The following CDKAL1 variants were observed in gnomAD, a reference collection of about 807,000 sequenced individuals.
CDKAL1 encodes the protein threonylcarbamoyladenosine tRNA methylthiotransferase.
In CDKAL1, 32 loss-of-function variants were observed where a neutral mutation model predicts 68.2. The observed-to-expected ratio is 0.47, with a 90% CI of 0.35 to 0.63. The LOEUF (loss-of-function observed/expected upper bound fraction) is 0.63. Among genes scored for constraint, CDKAL1 ranks in the 30% least tolerant of loss-of-function variants. The pLI is 0.00. For synonymous variants in CDKAL1, 234 were observed against 244.3 expected (o/e 0.96, Z 0.39); for missense variants, 606 against 696.7 (o/e 0.87, Z 1.47).
At chr6:20,992,848 G>A (rs1020602325) in intron 10 of CDKAL1, among the ~76,000 whole-genome samples, 12 of 151,240 alleles carry the variant, frequency 7.9e-5, no homozygotes, top group Non-Finnish European at 4.4e-5. Flanking sequence ...GCTGCAGTAA[G>A]CCGTGATTGC....
At chr6:21,208,387 C>A (rs1223041251) in intron 15 of CDKAL1, among the ~76,000 whole-genome samples, 1 of 152,148 alleles carries the variant, frequency 6.6e-6, no homozygotes, top group African/African-American at 2.4e-5. Context: ...TTTCCAGAAC[C>A]AGTGAAGTGA....
chr6:20,736,665 C>T (rs763852272), intron 5 of CDKAL1, among the ~76,000 whole-genome samples: 2 of 151,458 alleles, frequency 1.3e-5, no homozygotes, highest in African/African-American at 2.4e-5. Flanking sequence ...CCAGCTACTC[C>T]GGAGGCTGAG....
chr6:20,799,127 A>G (rs1222527027), intron 8 of CDKAL1, among the ~76,000 whole-genome samples: 3 of 124,162 alleles, frequency 2.4e-5, no homozygotes, highest in South Asian at 2.7e-4. Flanking sequence ...ATCTTGGCTC[A>G]CTGCAACCTC....
chr6:21,205,225 A>G (rs1375587288), intron 15 of CDKAL1, among the ~76,000 whole-genome samples: 1 of 152,178 alleles, frequency 6.6e-6, no homozygotes, highest in African/African-American at 2.4e-5. Context: ...GGTTGCTTCT[A>G]CCATTTGGCT....
chr6:20,950,228 G>A (rs112979733), intron 9 of CDKAL1, among the ~76,000 whole-genome samples: 5,150 of 152,184 alleles, frequency 0.034, 296 homozygotes, highest in African/African-American at 0.12. Flanking sequence ...GGGTTCAAGT[G>A]ATTCTCCTGC....
At chr6:21,118,698 G>A (rs568745872) in intron 13 of CDKAL1, among the ~76,000 whole-genome samples, 2 of 152,286 alleles carry the variant, frequency 1.3e-5, no homozygotes, top group African/African-American at 4.8e-5. Context: ...TTCTCCTAAT[G>A]ATTGTTAATA....
intron 10 of CDKAL1, among the ~76,000 whole-genome samples, chr6:20,955,947 A>T (rs551410328): frequency 2.0e-5 from 3 of 152,290 alleles, no homozygotes; most frequent in African/African-American, 7.2e-5. Context: ...TTCGCAACCC[A>T]CAGTCAATAT....
intron 5 of CDKAL1, among the ~76,000 whole-genome samples, chr6:20,717,603 T>G (rs985426975): frequency 1.3e-5 from 2 of 152,272 alleles, no homozygotes; most frequent in African/African-American, 2.4e-5. Context: ...AGACCCTTAA[T>G]GGGGAAGGCC....
rs757645609 is a variant in CDKAL1 at position 20,649,349 on chromosome 6, G to A, written c.343G>A (p.Ala115Thr). 1 of 1,603,394 alleles carries A rather than the reference G, an allele frequency of 6.2e-7. No individual in the cohort carries two copies. Among genetic ancestry groups the A allele is most frequent in the Non-Finnish European group, 8.5e-7 (1 of 1,175,268 alleles). ...LLNSCTVKNP[A>T]EDHFRNSIKK... ...GAACAGTTGCACTGTAAAAAACCCA[G>A]CTGAAGACCACTTTAGAAACTCAAT... The change falls in exon 5 of 16, where the codon GCT becomes ACT. Residue 115 changes from alanine (A) to threonine (T), a missense_variant. Coordinates refer to ENST00000274695, the MANE Select transcript of CDKAL1 (RefSeq NM_017774.3).
intron 4 of CDKAL1, among the ~76,000 whole-genome samples, chr6:20,568,785 G>A (rs1764583747): frequency 6.6e-6 from 1 of 151,030 alleles, no homozygotes; most frequent in South Asian, 2.1e-4. Context: ...TGTGAGGTGT[G>A]AAATCCTTCT....
intron 11 of CDKAL1, among the ~76,000 whole-genome samples, chr6:21,063,357 C>G (rs573146178): frequency 1.2e-4 from 19 of 152,250 alleles, no homozygotes; most frequent in Middle Eastern, 3.4e-3. Context: ...TAAAATAGAA[C>G]AACGTCTGTG....
At chr6:21,147,614 C>T (rs7740358) in intron 13 of CDKAL1, among the ~76,000 whole-genome samples, 5,240 of 152,202 alleles carry the variant, frequency 0.034, 267 homozygotes, top group African/African-American at 0.11. Flanking sequence ...CCTGTGGGAT[C>T]CTGACTTTAC....
chr6:20,591,509 C>A (rs1765590678), intron 4 of CDKAL1, among the ~76,000 whole-genome samples: 1 of 152,104 alleles, frequency 6.6e-6, no homozygotes, highest in African/African-American at 2.4e-5. Flanking sequence ...AGTCTTTAAT[C>A]CATCTTGAGT....
chr6:21,058,324 A>G (rs1448150164), intron 11 of CDKAL1, among the ~76,000 whole-genome samples: 2 of 152,182 alleles, frequency 1.3e-5, no homozygotes, highest in African/African-American at 4.8e-5. Flanking sequence ...GTCATAAACT[A>G]GGATTGCAGT....
At chr6:20,566,388 A>G (rs564144224) in intron 4 of CDKAL1, among the ~76,000 whole-genome samples, 2 of 152,302 alleles carry the variant, frequency 1.3e-5, no homozygotes, top group East Asian at 1.9e-4. Flanking sequence ...GTTAGTCCAT[A>G]GTGCCACTCA....
chr6:21,182,917 C>T (rs1370527141), intron 13 of CDKAL1, among the ~76,000 whole-genome samples: 1 of 152,140 alleles, frequency 6.6e-6, no homozygotes, highest in Non-Finnish European at 1.5e-5. Flanking sequence ...GTTTTGATCA[C>T]ATATAAGCAA....
chr6:21,185,575 G>A (rs1409617302), intron 13 of CDKAL1, among the ~76,000 whole-genome samples: 1 of 152,100 alleles, frequency 6.6e-6, no homozygotes, highest in Non-Finnish European at 1.5e-5. Flanking sequence ...GGGAAATAGG[G>A]AGCGAGGATA....
At chr6:20,649,471 A>G in intron 5 of CDKAL1, 94 bp downstream of exon 5, 1 of 655,688 alleles carries the variant, frequency 1.5e-6, no homozygotes, top group Admixed American at 3.2e-5. Flanking sequence ...ATAGATATTT[A>G]GTTTATATTA....
intron 2 of CDKAL1, among the ~76,000 whole-genome samples, chr6:20,536,597 C>T (rs893456534): frequency 2.6e-5 from 4 of 152,056 alleles, no homozygotes; most frequent in African/African-American, 4.8e-5. Context: ...CAGTGATTAT[C>T]AAACTTTAAT....
Sources: gnomAD v4.1 joint callset for allele counts (sites outside exome capture counted in the v4.1 genomes callset) on GRCh38, gnomAD v4.1.1 for gene constraint, MANE v1.5 for transcripts, NCBI Gene and HGNC (gene_info 2026-07-23, HGNC 2026-07-21) for gene names.